LRP1B: variants seen among roughly 807,000 people sequenced by gnomAD.
LRP1B encodes the protein low-density lipoprotein receptor-related protein 1B.
A neutral mutation model predicts 556.6 loss-of-function variants in LRP1B; 217 were observed. The observed-to-expected ratio is 0.39, with a 90% confidence interval of 0.35 to 0.44. LRP1B has a LOEUF of 0.44. Among genes scored for constraint, LRP1B ranks in the 20% least tolerant of loss-of-function variants. LRP1B has a pLI of 1.00. For synonymous variants in LRP1B, 2,047 were observed against 1,865.8 expected, an observed-to-expected ratio of 1.10 and a Z score of -2.50; for missense variants, 5,053 against 5,620.8, an observed-to-expected ratio of 0.90 and a Z score of 3.23.
At chr2:140,839,314 T>C (rs568281131) in intron 31 of LRP1B, among the ~76,000 whole-genome samples, 130 of 152,364 alleles carry the variant, frequency 8.5e-4, no homozygotes, top group African/African-American at 3.0e-3. Context: ...ATGGTTAATA[T>C]TGAGTGTCAA....
At chr2:140,889,559 A>T (rs1011552964) in intron 23 of LRP1B, among the ~76,000 whole-genome samples, 2 of 152,186 alleles carry the variant, frequency 1.3e-5, no homozygotes, top group Non-Finnish European at 2.9e-5. Flanking sequence ...GGCCTCCTAA[A>T]GTGCTGGGAT....
At chr2:140,461,976 T>G (rs1573965645) in intron 60 of LRP1B, among the ~76,000 whole-genome samples, 1 of 152,318 alleles carries the variant, frequency 6.6e-6, no homozygotes, top group East Asian at 1.9e-4. Flanking sequence ...AGCTTAGAAT[T>G]GACTTACTTG....
chr2:141,544,368 T>TTCTTCTTCTTCTTCTTCTTCTTCTTCC (rs1559131476), intron 2 of LRP1B, among the ~76,000 whole-genome samples: 7 of 109,866 alleles, frequency 6.4e-5, no homozygotes, highest in African/African-American at 2.2e-4. Flanking sequence ...CTTCTTCTTC[T>TTCTTCTTCTTCTTCTTCTTCTTCTTCC]TCTTCTTCTT....
At chr2:141,543,758 G>T (rs765821535) in intron 2 of LRP1B, among the ~76,000 whole-genome samples, 20 of 151,638 alleles carry the variant, frequency 1.3e-4, no homozygotes, top group Non-Finnish European at 2.5e-4. Flanking sequence ...CAAATACACA[G>T]ATAAACAAAA....
At chr2:141,014,196 T>C (rs1448495787) in intron 13 of LRP1B, among the ~76,000 whole-genome samples, 3 of 152,048 alleles carry the variant, frequency 2.0e-5, no homozygotes, top group African/African-American at 4.8e-5. Context: ...TCAAACAGCA[T>C]TGGGAGTCAA....
At chr2:141,141,915 G>C (rs1701662440) in intron 7 of LRP1B, among the ~76,000 whole-genome samples, 1 of 151,896 alleles carries the variant, frequency 6.6e-6, no homozygotes, top group East Asian at 1.9e-4. Context: ...GCATTGGTTA[G>C]ATACTTGTTT....
chr2:140,345,727 C>T (rs1022365624), intron 77 of LRP1B, among the ~76,000 whole-genome samples: 6 of 132,350 alleles, frequency 4.5e-5, no homozygotes, highest in African/African-American at 1.4e-4. Flanking sequence ...TATATATATA[C>T]ACATATATAT....
intron 7 of LRP1B, among the ~76,000 whole-genome samples, chr2:141,157,435 T>C (rs765900495): frequency 2.4e-4 from 37 of 152,032 alleles, no homozygotes; most frequent in Non-Finnish European, 4.3e-4. Flanking sequence ...TTCTTCAGGG[T>C]TGAGAAAACA....
chr2:141,564,876 G>A (rs1052762371), intron 2 of LRP1B, among the ~76,000 whole-genome samples: 58 of 151,272 alleles, frequency 3.8e-4, no homozygotes, highest in African/African-American at 1.2e-3. Flanking sequence ...TGGTAATAAG[G>A]GTTTTTAAAA....
chr2:140,714,678 A>G (rs1687148744), intron 37 of LRP1B, among the ~76,000 whole-genome samples: 1 of 152,156 alleles, frequency 6.6e-6, no homozygotes. Context: ...CTTTCAAATT[A>G]TATTCCTTCT....
At chr2:140,935,045 G>C (rs1347692880) in intron 20 of LRP1B, among the ~76,000 whole-genome samples, 1 of 152,124 alleles carries the variant, frequency 6.6e-6, no homozygotes, top group Non-Finnish European at 1.5e-5. Context: ...TTAAGGGGAA[G>C]AATCTGATTT....
chr2:141,140,249 G>C (rs954757468), intron 7 of LRP1B, among the ~76,000 whole-genome samples: 1 of 152,050 alleles, frequency 6.6e-6, no homozygotes, highest in African/African-American at 2.4e-5. Flanking sequence ...TATTTTGATT[G>C]TAGTAATGTT....
At chr2:140,720,528 A>C (rs903002854) in intron 35 of LRP1B, among the ~76,000 whole-genome samples, 4 of 152,102 alleles carry the variant, frequency 2.6e-5, no homozygotes, top group African/African-American at 9.6e-5. Context: ...TTATCTGTAA[A>C]ACAAGGAAAG....
chr2:142,020,536 G>A (rs1703296739), intron 1 of LRP1B, among the ~76,000 whole-genome samples: 2 of 152,080 alleles, frequency 1.3e-5, no homozygotes, highest in African/African-American at 4.8e-5. Flanking sequence ...ACCACGAAAG[G>A]AATTTCTGTC....
chr2:140,959,637 T>G (rs939085281), intron 18 of LRP1B, among the ~76,000 whole-genome samples: 2 of 151,774 alleles, frequency 1.3e-5, no homozygotes, highest in Non-Finnish European at 3.0e-5. Flanking sequence ...TTAATTTATC[T>G]ATAATTTATA....
At chr2:142,051,520 C>T (rs934626533) in intron 1 of LRP1B, among the ~76,000 whole-genome samples, 7 of 151,746 alleles carry the variant, frequency 4.6e-5, no homozygotes, top group Non-Finnish European at 7.4e-5. Context: ...CTCTGTCACC[C>T]AGGCTGGAGT....
chr2:141,573,190 A>C (rs1686598787), intron 2 of LRP1B, among the ~76,000 whole-genome samples: 1 of 151,580 alleles, frequency 6.6e-6, no homozygotes, highest in Admixed American at 6.6e-5. Context: ...TTGACCACAT[A>C]ATTGGGAGTA....
intron 2 of LRP1B, among the ~76,000 whole-genome samples, chr2:141,633,070 T>A (rs355596): frequency 0.88 from 134,241 of 152,126 alleles, 59,404 homozygotes; most frequent in East Asian, 1. Context: ...AATTTCCACC[T>A]GAATGGTATT....
rs540183452 is a variant in LRP1B, at chr2:141,753,480, A to T, written c.205+56799T>A. ...GCTGTCCACTCCCGAGGGTGTGCGTATTAGACTTGGCTGGCCATTGCTTAT... is the reference window on the plus strand; with the variant it reads ...GCTGTCCACTCCCGAGGGTGTGCGTTTTAGACTTGGCTGGCCATTGCTTAT... On this transcript the variant is annotated intron_variant, in intron 2 of 90. Transcript: ENST00000389484. Among the ~76,000 whole-genome samples, 437 of 151,822 alleles carry T rather than the reference A, an allele frequency of 2.9e-3. 2 individuals carry two copies. Among genetic ancestry groups the T allele is most frequent in the Non-Finnish European group, 4.6e-3 (311 of 67,924 alleles).
Sources: gnomAD v4.1 joint callset for allele counts (sites outside exome capture counted in the v4.1 genomes callset) on GRCh38, gnomAD v4.1.1 for gene constraint, MANE v1.5 for transcripts, NCBI Gene and HGNC (gene_info 2026-07-23, HGNC 2026-07-21) for gene names.